Variants in MPRIP observed in about 807,000 individuals in gnomAD.
MPRIP encodes the protein myosin phosphatase Rho-interacting protein.
MPRIP carries 59 observed loss-of-function variants against 234.9 expected under a neutral mutation model. The ratio of observed to expected loss-of-function variants is 0.25; its 90% CI spans 0.20 to 0.31. MPRIP has a LOEUF of 0.31. MPRIP is among the 10% of genes least tolerant of loss of function. MPRIP has a pLI of 1.00. For missense variants in MPRIP, 2,436 were observed against 3,071.0 expected (o/e 0.79, Z 4.89); for synonymous variants, 1,144 against 1,263.9 (o/e 0.91, Z 2.01).
chr17:17,114,788 G>A (rs2090250720), intron 3 of MPRIP, among the ~76,000 whole-genome samples: 3 of 152,096 alleles, frequency 2.0e-5, no homozygotes, highest in African/African-American at 7.3e-5. Context: ...TCTGGCAGAG[G>A]GCCCTTGGCC....
At chr17:17,085,438 G>A (rs1258702247) in intron 3 of MPRIP, among the ~76,000 whole-genome samples, 1 of 152,222 alleles carries the variant, frequency 6.6e-6, no homozygotes, top group Non-Finnish European at 1.5e-5. Flanking sequence ...GCATTCCCGC[G>A]GGGTCCCTAG....
Position 17,165,840 on chromosome 17 carries a change from G to T in MPRIP, c.4249G>T (p.Ala1417Ser), listed in dbSNP as rs553534921. 5.4e-6 allele frequency: 7 copies of T among 1,304,278 alleles called. No individual in the cohort carries two copies. The highest frequency in any genetic ancestry group is 7.1e-6 in the Non-Finnish European group (7 of 988,978). 80.8% of individuals were successfully genotyped at this position (1,304,278 alleles called of 1,614,324 possible). A position where few individuals can be genotyped will look rare whatever the true frequency, so the allele number is the denominator to read the frequency against. ...QQGQSREALL[A>S]LHHQWAGTEA... The stretch of plus-strand genomic sequence containing the variant: ...GGGTCAGAGCCGTGAGGCACTGCTC[G>T]CACTGCACCACCAGTGGGCGGGCAC... Residue 1417 changes from alanine (A) to serine (S), a missense_variant, in exon 16 of 24, where the codon GCA becomes TCA. By Grantham distance (99) the Ala-to-Ser change is moderately conservative. This residue lies in a region of MPRIP where 1,998 missense variants were observed against 2,520.3 expected (regional missense o/e 0.79). Coordinates refer to ENST00000651222, the MANE Select transcript of MPRIP (RefSeq NM_001364716.4).
At chr17:17,093,622 G>A (rs904781367) in intron 3 of MPRIP, among the ~76,000 whole-genome samples, 1 of 152,158 alleles carries the variant, frequency 6.6e-6, no homozygotes, top group Admixed American at 6.5e-5. Context: ...GCAATGAGGG[G>A]CTTTAATTGT....
intron 3 of MPRIP, among the ~76,000 whole-genome samples, chr17:17,085,312 A>AT: frequency 6.6e-6 from 1 of 152,268 alleles, no homozygotes; most frequent in South Asian, 2.1e-4. Context: ...GAATCAGATC[A>AT]TTTAAAAAAA....
intron 3 of MPRIP, among the ~76,000 whole-genome samples, chr17:17,094,870 C>A (rs1303552052): frequency 1.3e-5 from 2 of 152,052 alleles, no homozygotes; most frequent in Non-Finnish European, 2.9e-5. Flanking sequence ...CCTTGGCCTC[C>A]CAAAGTGCTG....
chr17:17,168,428 C>T (rs2046053933), intron 16 of MPRIP: 1 of 255,770 alleles, frequency 3.9e-6, no homozygotes, highest in Non-Finnish European at 7.7e-6. Flanking sequence ...GGGTCCCTCT[C>T]TGGAACTGGC....
intron 12 of MPRIP, among the ~76,000 whole-genome samples, chr17:17,152,331 T>G (rs745345606): frequency 5.9e-5 from 9 of 152,250 alleles, no homozygotes; most frequent in Admixed American, 2.6e-4. Flanking sequence ...ATGAGCAGCT[T>G]TCTCCAGGCA....
At chr17:17,168,720 C>T (rs993799958) in intron 16 of MPRIP, 2 of 387,062 alleles carry the variant, frequency 5.2e-6, no homozygotes, top group African/African-American at 2.1e-5. Context: ...TACCATGATA[C>T]CTGTGCCCTT....
chr17:17,085,680 G>A lies in MPRIP; in HGVS notation c.267+7604G>A, dbSNP rs569044439. Among the ~76,000 whole-genome samples, 8 of 152,334 alleles carry A rather than the reference G, an allele frequency of 5.3e-5. No homozygotes were observed. In the South Asian group the frequency reaches 1.7e-3, roughly 32 times the overall value. On this transcript the variant is annotated intron_variant, in intron 3 of 23. Coordinates refer to ENST00000651222, the MANE Select transcript of MPRIP (RefSeq NM_001364716.4). ...TGTAATCCCAGCACTTTGGGAGGCC[G>A]AGGCGAGCAGATCACGAGGTCAGGA...
chr17:17,100,426 G>A (rs1426996104), intron 3 of MPRIP, among the ~76,000 whole-genome samples: 1 of 152,126 alleles, frequency 6.6e-6, no homozygotes, highest in African/African-American at 2.4e-5. Flanking sequence ...GAAAATACAT[G>A]AATTGGTGTG....
rs190855211 is a variant in MPRIP at position 17,152,421 on chromosome 17, A to T, written c.1720-1885A>T. Among the ~76,000 whole-genome samples, 348 of 152,152 alleles carry T rather than the reference A, an allele frequency of 2.3e-3. 1 individual carries two copies. The highest frequency in any genetic ancestry group is 0.017 in the Middle Eastern group (5 of 294). On this transcript the variant is annotated intron_variant, in intron 12 of 23. Coordinates refer to ENST00000651222, the MANE Select transcript of MPRIP (RefSeq NM_001364716.4). ...ATCAGCCACTCTCACCCACTGATCAACCCCTCCTCACTTCACCCTGGTAGG... is the reference window on the plus strand; with the variant it reads ...ATCAGCCACTCTCACCCACTGATCATCCCCTCCTCACTTCACCCTGGTAGG...
intron 1 of MPRIP, among the ~76,000 whole-genome samples, chr17:17,074,294 C>T (rs757533819): frequency 2.6e-5 from 4 of 152,202 alleles, no homozygotes; most frequent in African/African-American, 7.2e-5. Context: ...AATGCATTCT[C>T]GCCAGCTGGG....
At position 17,150,243 on chromosome 17, in the gene MPRIP, G is replaced by A; in HGVS notation, c.1719+10G>A. On this transcript the variant is annotated intron_variant, in intron 12 of 23. Transcript: ENST00000651222. Reference sequence around the variant, plus strand: ...TGGCTTCCAGATACATGTGAGTCCAGGGATGGAAGTGGGGCCACAGGCTTG... The same window carrying A: ...TGGCTTCCAGATACATGTGAGTCCAAGGATGGAAGTGGGGCCACAGGCTTG... 6.2e-7 allele frequency: 1 copy of A among 1,600,744 alleles called. No individual in the cohort carries two copies. The highest frequency in any genetic ancestry group is 1.7e-4 in the Middle Eastern group (1 of 6,034).
intron 1 of MPRIP, chr17:17,057,830 A>G: frequency 1.5e-6 from 1 of 647,690 alleles, no homozygotes; most frequent in Non-Finnish European, 2.8e-6. Flanking sequence ...AGAGCCGCTG[A>G]TATACTCTAA....
chr17:17,066,723 C>CTTTTTTTTTTTTTTTTTT lies in MPRIP; in HGVS notation c.124-8958_124-8941dup, dbSNP rs34804730. On this transcript the variant is annotated intron_variant, in intron 1 of 23. Transcript: ENST00000651222. ...TCAAACCCACAGATACTTTTTTCATCTTTTTTTTTTTTTTTTTTTTTTTTT... is the reference window on the plus strand; with the variant it reads ...TCAAACCCACAGATACTTTTTTCATCTTTTTTTTTTTTTTTTTTTTTTTTTTTTTTTTTTTTTTTTTTT... Among the ~76,000 whole-genome samples the CTTTTTTTTTTTTTTTTTT allele has an allele frequency of 3.0e-4, 11 of 36,688 alleles. 4 individuals carry two copies. Among genetic ancestry groups the CTTTTTTTTTTTTTTTTTT allele is most frequent in the South Asian group, 2.6e-3 (2 of 760 alleles). 24.1% of individuals were successfully genotyped at this position (36,688 alleles called of 152,430 possible).
At chr17:17,084,373 C>T (rs753149149) in intron 3 of MPRIP, among the ~76,000 whole-genome samples, 10 of 152,206 alleles carry the variant, frequency 6.6e-5, no homozygotes, top group Non-Finnish European at 1.0e-4. Context: ...GCTGCCTTTT[C>T]GCTCATCACA....
In MPRIP at chr17:17,120,384, C is replaced by T. The variant is rs2090366229; in HGVS notation, c.268-6318C>T. 3.3e-5 allele frequency among the ~76,000 whole-genome samples: 5 copies of T among 152,086 alleles called. No individual in the cohort carries two copies. In the South Asian group the frequency reaches 1.0e-3, roughly 32 times the overall value. ...GCTGCTATAGCAGTATTATCCTAACCCAGGAAGGTCACTCTGGCCTCTGAC... is the reference window on the plus strand; with the variant it reads ...GCTGCTATAGCAGTATTATCCTAACTCAGGAAGGTCACTCTGGCCTCTGAC... On this transcript the variant is annotated intron_variant, in intron 3 of 23. Coordinates refer to ENST00000651222, the MANE Select transcript of MPRIP (RefSeq NM_001364716.4).
intron 23 of MPRIP, among the ~76,000 whole-genome samples, chr17:17,180,438 C>T (rs1258731965): frequency 1.3e-5 from 2 of 152,210 alleles, no homozygotes; most frequent in East Asian, 1.9e-4. Flanking sequence ...ACACTGGTGC[C>T]GCCTCCAAGA....
rs539860495 is a variant in MPRIP, at chr17:17,158,547, G to T, written c.1945G>T (p.Ala649Ser). The T allele has an allele frequency of 1.9e-6, 3 of 1,611,698 alleles. No individual in the cohort carries two copies. In the African/African-American group the frequency reaches 4.0e-5, roughly 22 times the overall value. ...GGACCCTGAGCAGAAGAGGAGCCGC[G>T]CACGGGAGCGGAGGCGAGAGGGCCG... ...EPDPEQKRSR[A>S]RERRREGRSK... Residue 649 changes from alanine to serine, a missense_variant, in exon 14 of 24, where the codon GCA becomes TCA. Ala to Ser is a moderately conservative substitution (Grantham distance 99, BLOSUM62 1). Coordinates refer to ENST00000651222, the MANE Select transcript of MPRIP (RefSeq NM_001364716.4).
Sources: allele counts gnomAD v4.1 joint callset (sites outside exome capture counted in the v4.1 genomes callset), GRCh38; gene constraint gnomAD v4.1.1; regional missense constraint gnomAD v4.1.1; transcripts MANE v1.5; gene names NCBI Gene and HGNC (gene_info 2026-07-23, HGNC 2026-07-21).